Variants in APBB1IP observed in about 807,000 individuals in gnomAD.
APBB1IP encodes the protein amyloid beta precursor protein binding family B member 1 interacting protein.
A neutral mutation model predicts 64.9 loss-of-function variants in APBB1IP; 27 were observed. The observed-to-expected ratio is 0.42, with a 90% CI of 0.31 to 0.57. The LOEUF (loss-of-function observed/expected upper bound fraction) is 0.57, where lower values mean the gene tolerates loss of function less well. Among genes scored for constraint, APBB1IP ranks in the 20% least tolerant of loss-of-function variants. APBB1IP has a pLI of 0.20. For synonymous variants in APBB1IP, 392 were observed against 331.0 expected (o/e 1.18, Z -2.00); for missense variants, 812 against 845.5 (o/e 0.96, Z 0.49).
chr10:26,533,350 A>G, intron 8 of APBB1IP, 89 bp from the exon 9 acceptor site: 1 of 720,680 alleles, frequency 1.4e-6, no homozygotes, highest in Non-Finnish European at 2.2e-6. Flanking sequence ...CACACTTAAC[A>G]TCTTCTTTCC....
At chr10:26,495,170 G>T (rs1429880634) in intron 3 of APBB1IP, among the ~76,000 whole-genome samples, 3 of 151,578 alleles carry the variant, frequency 2.0e-5, no homozygotes, top group Non-Finnish European at 4.4e-5. Context: ...ACCACACCCA[G>T]CTAATTTTTG....
intron 2 of APBB1IP, among the ~76,000 whole-genome samples, chr10:26,469,101 T>C (rs1411317753): frequency 6.6e-6 from 1 of 151,950 alleles, no homozygotes; most frequent in East Asian, 1.9e-4. Context: ...CTTCTTTTTT[T>C]TTTTTCACTT....
intron 9 of APBB1IP, 36 bp from the exon 10 acceptor site, chr10:26,536,038 C>A (rs773291131): frequency 6.5e-7 from 1 of 1,537,362 alleles, no homozygotes; most frequent in Non-Finnish European, 8.7e-7. Flanking sequence ...CTTTATCTTT[C>A]GTGTGTGTCT....
chr10:26,534,510 C>A (rs79219775), intron 9 of APBB1IP, among the ~76,000 whole-genome samples: 2,649 of 152,172 alleles, frequency 0.017, 60 homozygotes, highest in African/African-American at 0.06. Flanking sequence ...GTGATGCCCT[C>A]GGCATCCGGT....
intron 2 of APBB1IP, among the ~76,000 whole-genome samples, chr10:26,465,984 T>C (rs933283151): frequency 2.0e-5 from 3 of 152,138 alleles, no homozygotes; most frequent in Non-Finnish European, 4.4e-5. Flanking sequence ...GTTCTGTGGG[T>C]CAGGAATTCC....
chr10:26,473,572 A>G (rs550901905), intron 2 of APBB1IP, among the ~76,000 whole-genome samples: 17 of 152,342 alleles, frequency 1.1e-4, no homozygotes, highest in Admixed American at 6.5e-4. Flanking sequence ...CTGAATGACA[A>G]TTGGATCCTG....
chr10:26,561,388 C>CTTTT lies in APBB1IP; in HGVS notation c.1369+558_1369+561dup, dbSNP rs34667769. On this transcript the variant is annotated intron_variant, in intron 13 of 14. Coordinates refer to ENST00000376236, the MANE Select transcript of APBB1IP (RefSeq NM_019043.4). ...TGGCCTGTTTTCTTTTTCTTCTTTGCTTTTTTTTTTTTTTTTTGGAGGTAA... is the reference window on the plus strand; with the variant it reads ...TGGCCTGTTTTCTTTTTCTTCTTTGCTTTTTTTTTTTTTTTTTTTTTGGAGGTAA... Among the ~76,000 whole-genome samples the CTTTT allele has an allele frequency of 1.8e-4, 22 of 122,520 alleles. No individual in the cohort carries two copies. In the East Asian group the frequency reaches 2.6e-3, roughly 15 times the overall value. The allele number at this position is 122,520 out of a possible 152,430, so 80.4% of individuals were successfully genotyped here. A position where few individuals can be genotyped will look rare whatever the true frequency, so the allele number is the denominator to read the frequency against.
At chr10:26,476,499 T>A (rs1835778545) in intron 2 of APBB1IP, among the ~76,000 whole-genome samples, 1 of 150,918 alleles carries the variant, frequency 6.6e-6, no homozygotes, top group Admixed American at 6.6e-5. Context: ...GAGACAGTTT[T>A]AAAAAGTTTT....
rs200232575 is a variant in APBB1IP at position 26,567,075 on chromosome 10, G to T, written c.1588G>T (p.Gly530Cys). The change falls in exon 15 of 15, where the codon GGC (glycine) becomes TGC (cysteine). Residue 530 changes from glycine (G) to cysteine (C), a missense_variant. Transcript: ENST00000376236. The stretch of plus-strand genomic sequence containing the variant: ...GGTGCGGAGGTCCTCCGACACCAGC[G>T]GCAGTCCCGCCACGCCCCTCAAGGC... ...PPVRRSSDTS[G>C]SPATPLKAKG... is the part of the protein sequence containing the mutation. The T allele has an allele frequency of 6.3e-3, 9,282 of 1,483,584 alleles. 28 individuals are homozygous for T. The highest frequency in any genetic ancestry group is 7.4e-3 in the Non-Finnish European group (8,345 of 1,130,676). The allele number at this position is 1,483,584 out of a possible 1,614,324, so 91.9% of individuals were successfully genotyped here. A position where few individuals can be genotyped will look rare whatever the true frequency, so the allele number is the denominator to read the frequency against.
chr10:26,516,875 A>G (rs1460756638), intron 8 of APBB1IP, among the ~76,000 whole-genome samples: 1 of 152,122 alleles, frequency 6.6e-6, no homozygotes, highest in East Asian at 1.9e-4. Flanking sequence ...AGAGGGCATC[A>G]CCAGAAGATA....
At chr10:26,556,360 CA>C (rs1836895213) in intron 11 of APBB1IP, among the ~76,000 whole-genome samples, 1 of 152,172 alleles carries the variant, frequency 6.6e-6, no homozygotes, top group South Asian at 2.1e-4. Context: ...CCAAGGGAGC[CA>C]GAAAGGAGCT....
intron 8 of APBB1IP, among the ~76,000 whole-genome samples, chr10:26,527,484 C>G (rs1042055752): frequency 1.3e-5 from 2 of 150,338 alleles, no homozygotes; most frequent in Non-Finnish European, 3.0e-5. Context: ...GAGTTCAAGG[C>G]TGCAGTGAGC....
chr10:26,503,165 A>G lies in APBB1IP; in HGVS notation c.454-32A>G, dbSNP rs767202528. On this transcript the variant is annotated intron_variant, in intron 5 of 14. Coordinates refer to ENST00000376236, the MANE Select transcript of APBB1IP (RefSeq NM_019043.4). ...ATTACTCACTGGTATTACTTAATGGACTGTATTGAAGAATATCTTGCCCTT... is the reference window on the plus strand; with the variant it reads ...ATTACTCACTGGTATTACTTAATGGGCTGTATTGAAGAATATCTTGCCCTT... 2.3e-5 allele frequency: 37 copies of G among 1,605,950 alleles called. 1 individual carries two copies. In the South Asian group the frequency reaches 4.0e-4, roughly 17 times the overall value.
chr10:26,515,549 A>G (rs1329270109), intron 8 of APBB1IP, among the ~76,000 whole-genome samples: 1 of 152,226 alleles, frequency 6.6e-6, no homozygotes, highest in Non-Finnish European at 1.5e-5. Flanking sequence ...TGCACAGCTA[A>G]AACTAGGGAG....
At chr10:26,522,981 G>A (rs958669029) in intron 8 of APBB1IP, among the ~76,000 whole-genome samples, 11 of 138,458 alleles carry the variant, frequency 7.9e-5, no homozygotes, top group Non-Finnish European at 1.2e-4. Flanking sequence ...TCCAGCCTGG[G>A]TGACAAGAGT....
chr10:26,495,653 T>C (rs188731356), intron 3 of APBB1IP, among the ~76,000 whole-genome samples: 30 of 147,370 alleles, frequency 2.0e-4, no homozygotes, highest in Non-Finnish European at 2.4e-4. Context: ...CCTTTTAGTC[T>C]CTTGGACCTG....
In APBB1IP at chr10:26,537,241, C is replaced by G. The variant is rs189260624; in HGVS notation, c.1044+1024C>G. 2.0e-3 allele frequency among the ~76,000 whole-genome samples: 307 copies of G among 152,220 alleles called. 1 individual carries two copies. The highest frequency in any genetic ancestry group is 6.4e-3 in the South Asian group (31 of 4,814). On this transcript the variant is annotated intron_variant, in intron 10 of 14. Transcript: ENST00000376236. ...AGCATTTTGCCTTCCCTTCCAAATG[C>G]AGGGCACCACCAATGGTATATTCAT...
Position 26,492,949 on chromosome 10 carries a change from T to C in APBB1IP, c.72+551T>C, listed in dbSNP as rs544984636. ...CTAATCCTAGCAACCCTGGGGGCGCTGCAGGAGGCCAGGGCATGTTTCATC... is the reference window on the plus strand; with the variant it reads ...CTAATCCTAGCAACCCTGGGGGCGCCGCAGGAGGCCAGGGCATGTTTCATC... On this transcript the variant is annotated intron_variant, in intron 3 of 14. Coordinates refer to ENST00000376236, the MANE Select transcript of APBB1IP (RefSeq NM_019043.4). Among the ~76,000 whole-genome samples the C allele has an allele frequency of 1.7e-3, 266 of 152,298 alleles. 2 individuals carry two copies. Among genetic ancestry groups the C allele is most frequent in the African/African-American group, 5.8e-3 (243 of 41,558 alleles).
At chr10:26,489,599 G>A (rs1835931839) in intron 2 of APBB1IP, among the ~76,000 whole-genome samples, 1 of 152,100 alleles carries the variant, frequency 6.6e-6, no homozygotes, top group Non-Finnish European at 1.5e-5. Context: ...TGCTACCCTG[G>A]GTGCTAAATG....
Sources: gnomAD v4.1 joint callset for allele counts (sites outside exome capture counted in the v4.1 genomes callset) on GRCh38, gnomAD v4.1.1 for gene constraint, MANE v1.5 for transcripts, NCBI Gene and HGNC (gene_info 2026-07-23, HGNC 2026-07-21) for gene names.